ERBB4: variants seen among roughly 807,000 people sequenced by gnomAD.
The protein encoded by ERBB4 is erb-b2 receptor tyrosine kinase 4.
A neutral mutation model predicts 158.0 loss-of-function variants in ERBB4; 42 were observed. The ratio of observed to expected loss-of-function variants is 0.27; its 90% CI spans 0.21 to 0.34. The LOEUF is 0.34. Ranked by LOEUF, ERBB4 falls within the 10% of genes least tolerant of loss-of-function variation. The probability of loss-of-function intolerance (pLI) is 1.00; values close to 1 mark genes in which losing one functional copy is unlikely to be tolerated. For synonymous variants in ERBB4, 583 were observed against 558.7 expected, an observed-to-expected ratio of 1.04 and a Z score of -0.61; for missense variants, 1,333 against 1,624.1, an observed-to-expected ratio of 0.82 and a Z score of 3.08.
chr2:211,832,477 A>C (rs1205263153), intron 3 of ERBB4, among the ~76,000 whole-genome samples: 1 of 152,092 alleles, frequency 6.6e-6, no homozygotes, highest in African/African-American at 2.4e-5. Context: ...TATCTTTTAA[A>C]ATATTTTAGA....
At chr2:212,385,579 GAAAT>G (rs2090649790) in intron 1 of ERBB4, among the ~76,000 whole-genome samples, 1 of 151,830 alleles carries the variant, frequency 6.6e-6, no homozygotes, top group Non-Finnish European at 1.5e-5. Context: ...TTATGCTCCT[GAAAT>G]AATTTTGAGA....
chr2:211,791,244 G>C (rs1017173891), intron 3 of ERBB4, among the ~76,000 whole-genome samples: 1 of 151,878 alleles, frequency 6.6e-6, no homozygotes, highest in Non-Finnish European at 1.5e-5. Flanking sequence ...ATTAGGAAAA[G>C]AGAAAAGTTT....
At chr2:211,484,125 C>G (rs2065148480) in intron 20 of ERBB4, among the ~76,000 whole-genome samples, 1 of 151,962 alleles carries the variant, frequency 6.6e-6, no homozygotes, top group Non-Finnish European at 1.5e-5. Flanking sequence ...ATTAAAGGCA[C>G]AAACCCTAAA....
rs960242433 is a variant in ERBB4, at chr2:211,381,082, A to G, written c.*2533T>C. The G allele has an allele frequency of 2.2e-5, 5 of 232,366 alleles. No individual in the cohort carries two copies. Among genetic ancestry groups the G allele is most frequent in the African/African-American group, 1.1e-4 (5 of 45,286 alleles). The allele number at this position is 232,366 out of a possible 1,614,324, so 14.4% of individuals were successfully genotyped here. On this transcript the variant is annotated 3_prime_UTR_variant, in exon 28 of 28. Coordinates refer to ENST00000342788, the MANE Select transcript of ERBB4 (RefSeq NM_005235.3). The stretch of plus-strand genomic sequence containing the variant: ...TCCCTTTTCCTAGAGACTTCTCTGA[A>G]TGGATAGGAGAGCCCTGAGCTATTA...
Position 211,554,074 on chromosome 2 carries a change from T to C in ERBB4, c.2487+7829A>G, listed in dbSNP as rs77588996. On this transcript the variant is annotated intron_variant, in intron 20 of 27. Transcript: ENST00000342788. ...ATTAATGATGAGACACAACTACAGA[T>C]AAAATGGTATGCTCCCCTTCAGTCC... 4.7e-3 allele frequency among the ~76,000 whole-genome samples: 716 copies of C among 152,304 alleles called. 9 individuals carry two copies. The highest frequency in any genetic ancestry group is 0.016 in the African/African-American group (671 of 41,576).
intron 2 of ERBB4, among the ~76,000 whole-genome samples, chr2:212,118,735 A>T (rs530738203): frequency 4.6e-5 from 7 of 152,166 alleles, no homozygotes; most frequent in African/African-American, 1.7e-4. Flanking sequence ...AAAAATAGAA[A>T]TTTTTAGATG....
chr2:211,919,155 A>G (rs1460773141), intron 3 of ERBB4, among the ~76,000 whole-genome samples: 1 of 152,094 alleles, frequency 6.6e-6, no homozygotes, highest in Non-Finnish European at 1.5e-5. Flanking sequence ...TATTTCATCT[A>G]AGATTCAGCT....
chr2:211,462,329 T>G (rs534428945), intron 20 of ERBB4, among the ~76,000 whole-genome samples: 3 of 152,014 alleles, frequency 2.0e-5, no homozygotes, highest in African/African-American at 7.2e-5. Flanking sequence ...ACTTCCAACA[T>G]TGGGGATTAC....
chr2:212,173,710 A>AT (rs1371981801), intron 1 of ERBB4, among the ~76,000 whole-genome samples: 1 of 152,082 alleles, frequency 6.6e-6, no homozygotes, highest in Non-Finnish European at 1.5e-5. Context: ...TGACTGACAT[A>AT]TAGGCAAATC....
rs1281164397 is a variant in ERBB4, at chr2:212,017,454, A to C, written c.235-69838T>G. 2.0e-5 allele frequency among the ~76,000 whole-genome samples: 3 copies of C among 152,122 alleles called. No homozygotes were observed. In the East Asian group the frequency reaches 5.8e-4, roughly 29 times the overall value. On this transcript the variant is annotated intron_variant, in intron 2 of 27. Coordinates refer to ENST00000342788, the MANE Select transcript of ERBB4 (RefSeq NM_005235.3). ...AAAAGATTGAGAAGAATTCCCTGGA[A>C]CATAATGTAATAAAACTTATTTTCA...
At chr2:212,530,527 T>G (rs909775855) in intron 1 of ERBB4, among the ~76,000 whole-genome samples, 1 of 152,114 alleles carries the variant, frequency 6.6e-6, no homozygotes, top group Non-Finnish European at 1.5e-5. Context: ...AGGCATCCCC[T>G]TGATAGTGAT....
chr2:212,133,981 A>C (rs1214037077), intron 1 of ERBB4, among the ~76,000 whole-genome samples: 1 of 152,196 alleles, frequency 6.6e-6, no homozygotes, highest in Non-Finnish European at 1.5e-5. Context: ...AATCCAGCTT[A>C]ACTGTTATGA....
intron 2 of ERBB4, among the ~76,000 whole-genome samples, chr2:212,095,125 A>G (rs114351633): frequency 4.1e-4 from 62 of 152,274 alleles, no homozygotes; most frequent in African/African-American, 1.4e-3. Context: ...CTAGATTGTA[A>G]GAATTAGTCT....
chr2:212,027,546 G>A (rs150692693), intron 2 of ERBB4, among the ~76,000 whole-genome samples: 1 of 152,182 alleles, frequency 6.6e-6, no homozygotes, highest in Admixed American at 6.6e-5. Context: ...TGAGAATGTG[G>A]ATAGTTAAGG....
intron 1 of ERBB4, among the ~76,000 whole-genome samples, chr2:212,531,475 A>G (rs1292914082): frequency 2.0e-5 from 3 of 152,180 alleles, no homozygotes; most frequent in African/African-American, 7.2e-5. Context: ...CCATGATGAA[A>G]GAGGATGGCC....
At chr2:212,314,310 C>G (rs2087174964) in intron 1 of ERBB4, among the ~76,000 whole-genome samples, 1 of 150,694 alleles carries the variant, frequency 6.6e-6, no homozygotes, top group Non-Finnish European at 1.5e-5. Context: ...TAATTTTTTT[C>G]AAGCACTTTT....
At chr2:211,673,802 A>C (rs1347640454) in intron 13 of ERBB4, among the ~76,000 whole-genome samples, 1 of 152,094 alleles carries the variant, frequency 6.6e-6, no homozygotes, top group Non-Finnish European at 1.5e-5. Context: ...TGCCTTGGAG[A>C]ATTAGAGAAA....
At chr2:212,522,445 CGTTG>C (rs1692222860) in intron 1 of ERBB4, among the ~76,000 whole-genome samples, 12 of 149,598 alleles carry the variant, frequency 8.0e-5, no homozygotes, top group Admixed American at 2.7e-4. Context: ...ATAAGTAAAA[CGTTG>C]AATAGCTTGA....
intron 20 of ERBB4, among the ~76,000 whole-genome samples, chr2:211,525,097 A>G (rs1312061012): frequency 5.3e-5 from 8 of 152,126 alleles, no homozygotes; most frequent in African/African-American, 9.7e-5. Context: ...CTGGGTTCCT[A>G]AATAAAACTT....
Sources: allele counts gnomAD v4.1 joint callset (sites outside exome capture counted in the v4.1 genomes callset), GRCh38; gene constraint gnomAD v4.1.1; transcripts MANE v1.5; gene names NCBI Gene and HGNC (gene_info 2026-07-23, HGNC 2026-07-21).